The following CEMP1 variants were observed in gnomAD, a reference collection of about 807,000 sequenced individuals.
CEMP1 encodes cementoblastoma-derived protein 1.
For missense variants in CEMP1, 387 were observed against 316.9 expected (o/e 1.22, Z -1.68); for synonymous variants, 161 against 128.6 (o/e 1.25, Z -1.71).
In CEMP1 at chr16:2,530,938, G is replaced by A. The variant is rs760941091; in HGVS notation, c.136C>T (p.Gln46Ter). 6.2e-6 allele frequency: 10 copies of A among 1,613,434 alleles called. No individual in the cohort carries two copies. The East Asian group carries it at 2.2e-4, about 36-fold the overall frequency. ...GGAAGTGGCTGTCCAGCGCCTGCCTGTGCTGGGCCTGGGAGAGGAGCTGTC... is the reference window on the plus strand; with the variant it reads ...GGAAGTGGCTGTCCAGCGCCTGCCTATGCTGGGCCTGGGAGAGGAGCTGTC... Residue 46 changes from glutamine (Q) to a stop codon, truncating the protein, a stop_gained, in exon 1 of 2, where the codon CAG (glutamine) becomes TAG (stop). Coordinates refer to the CEMP1 transcript ENST00000565480. LOFTEE classifies it high-confidence loss of function.
At position 2,530,979 on chromosome 16, in the gene CEMP1, G is replaced by A. The variant is rs750930349; in HGVS notation, c.95C>T (p.Pro32Leu). Residue 32 changes from proline (P) to leucine (L), a missense_variant, in exon 1 of 1, where the codon CCT becomes CTT. Coordinates refer to ENST00000567119, the MANE Select transcript of CEMP1 (RefSeq NM_001048212.3). Reference protein sequence around the residue: ...SAENLTCLSLPGSPGKTAPLP... With the variant: ...SAENLTCLSLLGSPGKTAPLP... The stretch of plus-strand genomic sequence containing the variant: ...AGGAGCTGTCTTGCCAGGGCTCCCA[G>A]GCAGGGAGAGGCAGGTGAGGTTCTC... The A allele has an allele frequency of 1.2e-6, 2 of 1,613,322 alleles. No homozygotes were observed. The highest frequency in any genetic ancestry group is 1.3e-5 in the African/African-American group (1 of 75,052).
rs377703004 is a variant in CEMP1 at position 2,530,373 on chromosome 16, C to G, written c.701G>C (p.Gly234Ala). The G allele has an allele frequency of 3.2e-5, 52 of 1,614,084 alleles. No individual in the cohort carries two copies. The highest frequency in any genetic ancestry group is 3.8e-5 in the Non-Finnish European group (45 of 1,180,024). The change falls in exon 1 of 1, where the codon GGC (glycine) becomes GCC (alanine). Residue 234 changes from glycine to alanine, a missense_variant. Physicochemically the swap from Gly to Ala is moderately conservative, Grantham distance 60. Coordinates refer to ENST00000567119, the MANE Select transcript of CEMP1 (RefSeq NM_001048212.3). ...ARVCHMGVCQ[G>A]QGDTEDGRMT... ...CCTGCCATCTTCTGTGTCCCCTTGG[C>G]CCTGGCACACACCCATGTGGCAAAC...
Position 2,530,427 on chromosome 16 carries a change from C to A in CEMP1, c.647G>T (p.Arg216Leu). The change falls in exon 1 of 1, where the codon CGA (arginine) becomes CTA (leucine). Residue 216 changes from arginine (R) to leucine (L), a missense_variant. Transcript: ENST00000567119. The stretch of plus-strand genomic sequence containing the variant: ...GGCCGTGAGGCTCCCTGAACAGCTT[C>A]GAGGCGGGTGGGCTTCTGGAGCCCT... ...AKRAPEAHPP[R>L]SCSGSLTARV... is the part of the protein sequence containing the mutation. 3.1e-6 allele frequency: 5 copies of A among 1,614,100 alleles called. No homozygotes were observed. The highest frequency in any genetic ancestry group is 1.1e-5 in the South Asian group (1 of 91,078).
At position 2,531,238 on chromosome 16, in the gene CEMP1, T is replaced by A. The variant is rs1056911908; in HGVS notation, c.-165A>T. The stretch of plus-strand genomic sequence containing the variant: ...AGGGTCGGGGAGGGGCTGGCAGAGA[T>A]GGTTGGTCCACAGGGCTAGCCCTGG... On this transcript the variant is annotated 5_prime_UTR_variant, in exon 1 of 1. Coordinates refer to ENST00000567119, the MANE Select transcript of CEMP1 (RefSeq NM_001048212.3). 2.1e-5 allele frequency: 19 copies of A among 891,128 alleles called. No homozygotes were observed. Among genetic ancestry groups the A allele is most frequent in the Non-Finnish European group, 3.2e-5 (19 of 590,138 alleles). 55.2% of individuals were successfully genotyped at this position (891,128 alleles called of 1,614,324 possible).
chr16:2,530,383 C>T lies in CEMP1; in HGVS notation c.691G>A (p.Val231Met). The change falls in exon 1 of 1, where the codon GTG (valine) becomes ATG (methionine). Residue 231 changes from valine to methionine, a missense_variant. Transcript: ENST00000567119. Reference sequence around the variant, plus strand: ...TCTGTGTCCCCTTGGCCCTGGCACACACCCATGTGGCAAACACGGGCCGTG... The same window carrying T: ...TCTGTGTCCCCTTGGCCCTGGCACATACCCATGTGGCAAACACGGGCCGTG... ...SLTARVCHMG[V>M]CQGQGDTEDG... is the part of the protein sequence containing the mutation. The T allele has an allele frequency of 1.2e-6, 2 of 1,614,216 alleles. No homozygotes were observed. Among genetic ancestry groups the T allele is most frequent in the Non-Finnish European group, 8.5e-7 (1 of 1,180,026 alleles).
rs2066091134 is a variant in CEMP1, at chr16:2,531,171, G to C, written c.-98C>G. The C allele has an allele frequency of 2.1e-6, 3 of 1,458,454 alleles. No homozygotes were observed. The highest frequency in any genetic ancestry group is 4.8e-5 in the Admixed American group (2 of 42,100). The allele number at this position is 1,458,454 out of a possible 1,614,324, so 90.3% of individuals were successfully genotyped here. A position where few individuals can be genotyped will look rare whatever the true frequency, so the allele number is the denominator to read the frequency against. ...AGCCCTGGGCCAGCCTTTGGGCCTGGCCTGCCCCATTCACCGGCCAGCGCC... is the reference window on the plus strand; with the variant it reads ...AGCCCTGGGCCAGCCTTTGGGCCTGCCCTGCCCCATTCACCGGCCAGCGCC... On this transcript the variant is annotated 5_prime_UTR_variant, in exon 1 of 1. Transcript: ENST00000567119.
chr16:2,530,652 C>T (rs763993581), intron 1 of CEMP1: 6 of 1,614,076 alleles, frequency 3.7e-6, no homozygotes, highest in Non-Finnish European at 5.1e-6. Context: ...CTGCAAAGCC[C>T]AGTTAAGGAA....
At position 2,530,235 on chromosome 16, in the gene CEMP1, CTA is replaced by C. The variant is rs1227150570; in HGVS notation, c.*93_*94del. On this transcript the variant is annotated 3_prime_UTR_variant, in exon 1 of 1. Coordinates refer to ENST00000567119, the MANE Select transcript of CEMP1 (RefSeq NM_001048212.3). ...GTTCTGTTTTCTCTTCTCAATAACC[CTA>C]TCTCTTCACACATCCCCAGGCCCAG... 1 of 1,589,370 alleles carries C rather than the reference CTA, an allele frequency of 6.3e-7. No individual in the cohort carries two copies. The highest frequency in any genetic ancestry group is 8.6e-7 in the Non-Finnish European group (1 of 1,168,240).
At position 2,531,214 on chromosome 16, in the gene CEMP1, G is replaced by A. The variant is rs777913133; in HGVS notation, c.-141C>T. The A allele has an allele frequency of 4.4e-5, 48 of 1,093,496 alleles. No homozygotes were observed. Among genetic ancestry groups the A allele is most frequent in the Non-Finnish European group, 5.8e-5 (45 of 772,096 alleles). 67.7% of individuals were successfully genotyped at this position (1,093,496 alleles called of 1,614,324 possible). A position where few individuals can be genotyped will look rare whatever the true frequency, so the allele number is the denominator to read the frequency against. ...CCAGCGCCCCACCTCCCTGGCTGGA[G>A]GGTCGGGGAGGGGCTGGCAGAGATG... On this transcript the variant is annotated 5_prime_UTR_variant, in exon 1 of 1. Coordinates refer to ENST00000567119, the MANE Select transcript of CEMP1 (RefSeq NM_001048212.3).
At position 2,530,180 on chromosome 16, in the gene CEMP1, G is replaced by A. The variant is rs1327756027; in HGVS notation, c.*150C>T. On this transcript the variant is annotated 3_prime_UTR_variant, in exon 1 of 1. Transcript: ENST00000567119. The stretch of plus-strand genomic sequence containing the variant: ...ACCCCTGTTTTCTGCTCCCTGGACT[G>A]CCTAGCCCTGAGTGCCACGGATGAC... 1.3e-6 allele frequency: 2 copies of A among 1,482,712 alleles called. No individual in the cohort carries two copies. Among genetic ancestry groups the A allele is most frequent in the East Asian group, 2.5e-5 (1 of 40,558 alleles). The allele number at this position is 1,482,712 out of a possible 1,614,324, so 91.8% of individuals were successfully genotyped here.
Position 2,530,414 on chromosome 16 carries a change from C to T in CEMP1, c.660G>A (p.Gly220=), listed in dbSNP as rs764939832. Residue 220 remains glycine (G), a synonymous_variant, in exon 1 of 1, where the codon GGG becomes GGA. Coordinates refer to ENST00000567119, the MANE Select transcript of CEMP1 (RefSeq NM_001048212.3). ...PEAHPPRSCS[G]SLTARVCHMG... is the part of the protein sequence containing the mutation. ...TGTGGCAAACACGGGCCGTGAGGCT[C>T]CCTGAACAGCTTCGAGGCGGGTGGG... The T allele has an allele frequency of 5.6e-6, 9 of 1,614,186 alleles. No individual in the cohort carries two copies. In the South Asian group the frequency reaches 8.8e-5, roughly 16 times the overall value.
At position 2,530,267 on chromosome 16, in the gene CEMP1, T is replaced by C; in HGVS notation, c.*63A>G. 1 of 1,611,818 alleles carries C rather than the reference T, an allele frequency of 6.2e-7. No individual in the cohort carries two copies. Among genetic ancestry groups the C allele is most frequent in the South Asian group, 1.1e-5 (1 of 90,878 alleles). ...TTCACACATCCCCAGGCCCAGTGCT[T>C]GCCGGCTGTGGTGACCCTGCCTGGT... On this transcript the variant is annotated 3_prime_UTR_variant, in exon 1 of 1. Transcript: ENST00000567119.
At position 2,531,407 on chromosome 16, in the gene CEMP1, A is replaced by G. The variant is rs1207422550; in HGVS notation, c.-334T>C. ...TTGTGGTAAAATACATAACAAAAGTAACTATCGTAACCTGAGCAGTTCTGT... is the reference window on the plus strand; with the variant it reads ...TTGTGGTAAAATACATAACAAAAGTGACTATCGTAACCTGAGCAGTTCTGT... On this transcript the variant is annotated 5_prime_UTR_variant, in exon 1 of 1. Coordinates refer to ENST00000567119, the MANE Select transcript of CEMP1 (RefSeq NM_001048212.3). 5.9e-6 allele frequency: 3 copies of G among 505,416 alleles called. No homozygotes were observed. The highest frequency in any genetic ancestry group is 1.9e-5 in the African/African-American group (1 of 52,442). The allele number at this position is 505,416 out of a possible 1,614,324, so 31.3% of individuals were successfully genotyped here. A position where few individuals can be genotyped will look rare whatever the true frequency, so the allele number is the denominator to read the frequency against.
Position 2,530,096 on chromosome 16 carries a change from G to A in CEMP1, c.*234C>T. 2.6e-6 allele frequency: 3 copies of A among 1,132,898 alleles called. No individual in the cohort carries two copies. Among genetic ancestry groups the A allele is most frequent in the Non-Finnish European group, 2.4e-6 (2 of 824,726 alleles). 70.2% of individuals were successfully genotyped at this position (1,132,898 alleles called of 1,614,324 possible). ...GCGTGGAGCCCACAGCCTGGTTCTG[G>A]GCCAGGGCACAGTGCCAGGGGCTCC... On this transcript the variant is annotated 3_prime_UTR_variant, in exon 1 of 1. Transcript: ENST00000567119.
At position 2,531,157 on chromosome 16, in the gene CEMP1, AGCCTTTGGGCCTG is replaced by A; in HGVS notation, c.-97_-85del. The A allele has an allele frequency of 6.7e-7, 1 of 1,498,768 alleles. No individual in the cohort carries two copies. Among genetic ancestry groups the A allele is most frequent in the Non-Finnish European group, 8.9e-7 (1 of 1,117,332 alleles). 92.8% of individuals were successfully genotyped at this position (1,498,768 alleles called of 1,614,324 possible). On this transcript the variant is annotated 5_prime_UTR_variant, in exon 1 of 1. It removes the in-frame stop codon of an upstream open reading frame in the 5' UTR. Coordinates refer to ENST00000567119, the MANE Select transcript of CEMP1 (RefSeq NM_001048212.3). ...GTCCAGAGCTGGTGAGCCCTGGGCCAGCCTTTGGGCCTGGCCTGCCCCATTCACCGGCCAGCGC... is the reference window on the plus strand; with the variant it reads ...GTCCAGAGCTGGTGAGCCCTGGGCCAGCCTGCCCCATTCACCGGCCAGCGC...
In CEMP1 at chr16:2,531,235, A is replaced by G. The variant is rs1471877929; in HGVS notation, c.-162T>C. 1.4e-5 allele frequency: 13 copies of G among 921,258 alleles called. No individual in the cohort carries two copies. The highest frequency in any genetic ancestry group is 1.9e-5 in the Non-Finnish European group (12 of 617,336). The allele number at this position is 921,258 out of a possible 1,614,324, so 57.1% of individuals were successfully genotyped here. On this transcript the variant is annotated 5_prime_UTR_variant, in exon 1 of 1. Transcript: ENST00000567119. ...TGGAGGGTCGGGGAGGGGCTGGCAG[A>G]GATGGTTGGTCCACAGGGCTAGCCC...
Position 2,530,329 on chromosome 16 carries a change from C to G in CEMP1, c.*1G>C. 1 of 1,614,156 alleles carries G rather than the reference C, an allele frequency of 6.2e-7. No homozygotes were observed. Among genetic ancestry groups the G allele is most frequent in the South Asian group, 1.1e-5 (1 of 91,080 alleles). On this transcript the variant is annotated 3_prime_UTR_variant, in exon 1 of 1. Coordinates refer to ENST00000567119, the MANE Select transcript of CEMP1 (RefSeq NM_001048212.3). Reference sequence around the variant, plus strand: ...GTATGGGAGGCACCAGTGTGCCCTGCTCACCCCATTAGTGTCATCCTGCCA... The same window carrying G: ...GTATGGGAGGCACCAGTGTGCCCTGGTCACCCCATTAGTGTCATCCTGCCA...
chr16:2,530,328 G>C lies in CEMP1; in HGVS notation c.*2C>G. ...AGTATGGGAGGCACCAGTGTGCCCT[G>C]CTCACCCCATTAGTGTCATCCTGCC... On this transcript the variant is annotated 3_prime_UTR_variant, in exon 1 of 1. Coordinates refer to ENST00000567119, the MANE Select transcript of CEMP1 (RefSeq NM_001048212.3). The C allele has an allele frequency of 6.2e-7, 1 of 1,614,104 alleles. No individual in the cohort carries two copies. Among genetic ancestry groups the C allele is most frequent in the Non-Finnish European group, 8.5e-7 (1 of 1,180,010 alleles).
Position 2,530,115 on chromosome 16 carries a change from G to A in CEMP1, c.*215C>T. On this transcript the variant is annotated 3_prime_UTR_variant, in exon 1 of 1. Coordinates refer to ENST00000567119, the MANE Select transcript of CEMP1 (RefSeq NM_001048212.3). ...GTTCTGGGCCAGGGCACAGTGCCAGGGGCTCCGCTCTGACCTCCAGGAGGG... is the reference window on the plus strand; with the variant it reads ...GTTCTGGGCCAGGGCACAGTGCCAGAGGCTCCGCTCTGACCTCCAGGAGGG... 2 of 1,263,410 alleles carry A rather than the reference G, an allele frequency of 1.6e-6. No homozygotes were observed. The highest frequency in any genetic ancestry group is 2.1e-6 in the Non-Finnish European group (2 of 941,310). The allele number at this position is 1,263,410 out of a possible 1,614,324, so 78.3% of individuals were successfully genotyped here.
Sources: allele counts gnomAD v4.1 joint callset, GRCh38; gene constraint gnomAD v4.1.1; transcripts MANE v1.5; gene names NCBI Gene and HGNC (gene_info 2026-07-23, HGNC 2026-07-21).